The following NBAS variants were observed in gnomAD, a reference collection of about 807,000 sequenced individuals.
The protein encoded by NBAS is NBAS subunit of NRZ tethering complex.
NBAS carries 219 observed loss-of-function variants against 302.5 expected under a neutral mutation model. The observed-to-expected ratio is 0.72, with a 90% CI of 0.65 to 0.81. NBAS has a LOEUF of 0.81. Among genes scored for constraint, NBAS ranks in the 30% least tolerant of loss-of-function variants. The probability of loss-of-function intolerance (pLI) is 0.00; values close to 1 mark genes in which losing one functional copy is unlikely to be tolerated. For missense variants in NBAS, 2,932 were observed against 2,841.6 expected, an observed-to-expected ratio of 1.03 and a Z score of -0.72; for synonymous variants, 1,118 against 1,021.6, an observed-to-expected ratio of 1.09 and a Z score of -1.80.
At chr2:15,194,756 G>A (rs183197725) in intron 48 of NBAS, among the ~76,000 whole-genome samples, 3 of 152,256 alleles carry the variant, frequency 2.0e-5, no homozygotes, top group Admixed American at 2.0e-4. Context: ...GGAAGGTAAA[G>A]GGACTGACCC....
At chr2:14,976,152 G>A in the NBAS span, among the ~76,000 whole-genome samples, 15 of 152,308 alleles carry the variant, frequency 9.8e-5, no homozygotes, top group South Asian at 4.1e-4. Flanking sequence ...ACTGGAACAC[G>A]GCATGAGCCT....
At chr2:15,251,780 G>A (rs1668375924) in intron 44 of NBAS, among the ~76,000 whole-genome samples, 1 of 152,146 alleles carries the variant, frequency 6.6e-6, no homozygotes, top group African/African-American at 2.4e-5. Flanking sequence ...ACTGCAAGCT[G>A]TTTTATCAGC....
the NBAS span, among the ~76,000 whole-genome samples, chr2:14,824,871 A>G: frequency 6.6e-6 from 1 of 152,062 alleles, no homozygotes; most frequent in Admixed American, 6.6e-5. Context: ...AGGGAAAAGG[A>G]AAATGCATGA....
chr2:15,253,192 T>C (rs2042144), intron 44 of NBAS, among the ~76,000 whole-genome samples: 91,168 of 152,096 alleles, frequency 0.6, 30,053 homozygotes, highest in African/African-American at 0.87. Flanking sequence ...CAGTAGCTCA[T>C]GACCGCAAGA....
At chr2:15,297,572 G>A (rs1670605398) in intron 40 of NBAS, among the ~76,000 whole-genome samples, 1 of 152,158 alleles carries the variant, frequency 6.6e-6, no homozygotes. Context: ...AAGATGTGCT[G>A]GCTTCCCCAT....
chr2:14,847,382 T>TAAAAAAAAAAAAAAAAAAAAAAA, the NBAS span, among the ~76,000 whole-genome samples: 2 of 53,166 alleles, frequency 3.8e-5, no homozygotes, highest in African/African-American at 6.7e-5. Context: ...GACTCTATCT[T>TAAAAAAAAAAAAAAAAAAAAAAA]AAAAAAAAAA....
At chr2:15,414,950 A>T (rs1469133893) in intron 25 of NBAS, among the ~76,000 whole-genome samples, 1 of 152,226 alleles carries the variant, frequency 6.6e-6, no homozygotes, top group African/African-American at 2.4e-5. Context: ...GTCTCAAAAA[A>T]AGAAAAAAAA....
At chr2:15,098,536 G>GACC in the NBAS span, among the ~76,000 whole-genome samples, 2 of 52,766 alleles carry the variant, frequency 3.8e-5, no homozygotes, top group Admixed American at 3.8e-4. Flanking sequence ...TATATATTAT[G>GACC]TATTGTATAT....
the NBAS span, among the ~76,000 whole-genome samples, chr2:14,791,229 G>A: frequency 6.6e-5 from 10 of 151,904 alleles, no homozygotes; most frequent in Admixed American, 5.9e-4. Flanking sequence ...AACCTCAGGT[G>A]ATCCACCTGC....
chr2:15,520,494 TG>T (rs1217317761), intron 9 of NBAS, among the ~76,000 whole-genome samples: 1 of 152,168 alleles, frequency 6.6e-6, no homozygotes, highest in Admixed American at 6.5e-5. Flanking sequence ...TCAGACAGAC[TG>T]TTGGATGACA....
At chr2:15,164,408 T>C (rs2125090949), downstream of NBAS, among the ~76,000 whole-genome samples, 1 of 152,302 alleles carries the variant, frequency 6.6e-6, no homozygotes, top group South Asian at 2.1e-4. Flanking sequence ...CTTTGTGACA[T>C]TGAGAAAAGT....
At chr2:15,468,837 T>C (rs1343148709) in intron 16 of NBAS, among the ~76,000 whole-genome samples, 1 of 152,226 alleles carries the variant, frequency 6.6e-6, no homozygotes, top group African/African-American at 2.4e-5. Flanking sequence ...TATAAATGCC[T>C]TTGGTTTGCA....
the NBAS span, among the ~76,000 whole-genome samples, chr2:14,827,661 T>A: frequency 1.3e-5 from 2 of 152,172 alleles, no homozygotes; most frequent in Non-Finnish European, 2.9e-5. Flanking sequence ...CATAGATGAA[T>A]CTAGAGAACA....
the NBAS span, among the ~76,000 whole-genome samples, chr2:14,798,426 ACTC>A: frequency 1.3e-5 from 2 of 151,924 alleles, no homozygotes; most frequent in African/African-American, 2.4e-5. Flanking sequence ...CGTAGAAAAA[ACTC>A]CACTTGTTCA....
chr2:15,406,116 C>CATTAAAAAAAAAAAAAAA (rs1676400392), intron 25 of NBAS, among the ~76,000 whole-genome samples: 1 of 134,524 alleles, frequency 7.4e-6, no homozygotes. Context: ...AAAAAAAAAA[C>CATTAAAAAAAAAAAAAAA]AAAACAAAAA....
intron 21 of NBAS, among the ~76,000 whole-genome samples, chr2:15,441,957 C>T (rs2148516072): frequency 6.7e-6 from 1 of 148,574 alleles, no homozygotes; most frequent in Middle Eastern, 3.4e-3. Context: ...GAAGAGCTAA[C>T]TATCCTAAAT....
At chr2:15,018,607 T>C in the NBAS span, among the ~76,000 whole-genome samples, 1 of 151,982 alleles carries the variant, frequency 6.6e-6, no homozygotes, top group African/African-American at 2.4e-5. Flanking sequence ...CTTTCTAAAA[T>C]AAAAAGTTGT....
At chr2:15,134,935 C>T in the NBAS span, among the ~76,000 whole-genome samples, 1 of 152,136 alleles carries the variant, frequency 6.6e-6, no homozygotes, top group Non-Finnish European at 1.5e-5. Flanking sequence ...ACCAGGTTTG[C>T]TTTTTATGGC....
intron 48 of NBAS, 30 bp downstream of exon 48, chr2:15,218,743 A>T: frequency 6.2e-7 from 1 of 1,613,748 alleles, no homozygotes; most frequent in South Asian, 1.1e-5. Context: ...ATTGTTAGTA[A>T]GAAAAATAAT....
Sources: gnomAD v4.1 joint callset for allele counts (sites outside exome capture counted in the v4.1 genomes callset) on GRCh38, gnomAD v4.1.1 for gene constraint, MANE v1.5 for transcripts, NCBI Gene and HGNC (gene_info 2026-07-23, HGNC 2026-07-21) for gene names.